Variants in LIPA observed in about 807,000 individuals in gnomAD.
LIPA encodes lipase A, lysosomal acid type.
LIPA carries 26 observed loss-of-function variants against 40.6 expected under a neutral mutation model. That is an observed-to-expected ratio of 0.64 (90% CI 0.47 to 0.89). The LOEUF (loss-of-function observed/expected upper bound fraction) is 0.89, where lower values mean the gene tolerates loss of function less well. LIPA is among the 40% of genes least tolerant of loss of function. The pLI, the probability that LIPA is intolerant of heterozygous loss-of-function variation, is 0.00. For synonymous variants in LIPA, 188 were observed against 168.4 expected, an observed-to-expected ratio of 1.12 and a Z score of -0.90; for missense variants, 455 against 479.6, an observed-to-expected ratio of 0.95 and a Z score of 0.48.
chr10:89,388,633 A>G (rs1844224963), intron 2 of LIPA, among the ~76,000 whole-genome samples: 1 of 152,208 alleles, frequency 6.6e-6, no homozygotes, highest in Non-Finnish European at 1.5e-5. Context: ...GTCATATTTT[A>G]TCTTCAAAAT....
chr10:89,377,374 A>G (rs1357030679), intron 2 of LIPA, among the ~76,000 whole-genome samples: 3 of 152,250 alleles, frequency 2.0e-5, no homozygotes, highest in Non-Finnish European at 4.4e-5. Flanking sequence ...TCTACTGACC[A>G]GCTCAAACAT....
At chr10:89,267,675 C>T (rs1022348755) in intron 1 of LIPA, among the ~76,000 whole-genome samples, 1 of 138,620 alleles carries the variant, frequency 7.2e-6, no homozygotes, top group Non-Finnish European at 1.5e-5. Flanking sequence ...CACATGTATA[C>T]ATATGTAACT....
intron 2 of LIPA, among the ~76,000 whole-genome samples, chr10:89,354,810 C>T (rs1248066454): frequency 6.6e-6 from 1 of 152,200 alleles, no homozygotes; most frequent in Non-Finnish European, 1.5e-5. Flanking sequence ...TTGTGATCCA[C>T]CTGCCTCGGC....
In LIPA at chr10:89,222,535, C is replaced by T. The variant is rs756950169; in HGVS notation, c.870G>A (p.Val290=). ...CCTGGCTCCAGTGTAACATGTTTTGCACAGAAGTTCCAGCAGGAGAATGTG... is the reference window on the plus strand; with the variant it reads ...CCTGGCTCCAGTGTAACATGTTTTGTACAGAAGTTCCAGCAGGAGAATGTG... ...YTTHSPAGTS[V]QNMLHWSQAV... The change falls in exon 8 of 10, where the codon GTG becomes GTA. Residue 290 remains valine, a synonymous_variant. Coordinates refer to ENST00000336233, the MANE Select transcript of LIPA (RefSeq NM_000235.4). 10 of 1,610,854 alleles carry T rather than the reference C, an allele frequency of 6.2e-6. No individual in the cohort carries two copies. The highest frequency in any genetic ancestry group is 8.5e-6 in the Non-Finnish European group (10 of 1,176,990).
intron 1 of LIPA, among the ~76,000 whole-genome samples, chr10:89,250,916 C>T (rs893016200): frequency 4.6e-5 from 7 of 152,176 alleles, no homozygotes; most frequent in South Asian, 2.1e-4. Context: ...ACACCTTTAT[C>T]TCAGTTATTT....
intron 1 of LIPA, among the ~76,000 whole-genome samples, chr10:89,322,970 C>T (rs1435530050): frequency 6.6e-6 from 1 of 152,172 alleles, no homozygotes; most frequent in Non-Finnish European, 1.5e-5. Flanking sequence ...CCAGAGAGCA[C>T]AGCCTCCTGT....
At chr10:89,251,349 A>C (rs1412735319) in intron 1 of LIPA, among the ~76,000 whole-genome samples, 1 of 152,234 alleles carries the variant, frequency 6.6e-6, no homozygotes. Context: ...CAAGAGAGGT[A>C]GGATGGGATG....
intron 1 of LIPA, among the ~76,000 whole-genome samples, chr10:89,296,763 T>C (rs372494825): frequency 6.6e-6 from 1 of 152,236 alleles, no homozygotes; most frequent in South Asian, 2.1e-4. Context: ...GTGCTTTGTG[T>C]AATTTTCTGA....
At chr10:89,239,540 C>T (rs1342015660) in intron 3 of LIPA, among the ~76,000 whole-genome samples, 1 of 152,206 alleles carries the variant, frequency 6.6e-6, no homozygotes, top group Non-Finnish European at 1.5e-5. Flanking sequence ...TGTCACCCTG[C>T]TGGGGAGCAG....
intron 2 of LIPA, among the ~76,000 whole-genome samples, chr10:89,358,540 G>C (rs960206366): frequency 7.2e-5 from 11 of 152,168 alleles, no homozygotes; most frequent in African/African-American, 2.4e-4. Flanking sequence ...GTCCATCAGT[G>C]GATGAATAAA....
At chr10:89,386,882 A>G (rs1387287271) in intron 2 of LIPA, among the ~76,000 whole-genome samples, 1 of 152,166 alleles carries the variant, frequency 6.6e-6, no homozygotes, top group East Asian at 1.9e-4. Context: ...CACTCCAGGT[A>G]CTGGAACCAA....
At chr10:89,392,007 GCTCT>G (rs1296140029) in intron 2 of LIPA, among the ~76,000 whole-genome samples, 1 of 152,086 alleles carries the variant, frequency 6.6e-6, no homozygotes, top group African/African-American at 2.4e-5. Flanking sequence ...GCAATAGAGG[GCTCT>G]CTATTTCAAA....
At chr10:89,251,589 G>GCTTTTCTTGC (rs1399100638) in intron 1 of LIPA, 148 bp downstream of exon 1, 17 of 152,370 alleles carry the variant, frequency 1.1e-4, no homozygotes, top group African/African-American at 4.1e-4. Context: ...AAAAGCACCC[G>GCTTTTCTTGC]CAGGCACCCC....
At chr10:89,276,436 T>G (rs1338947670) in intron 1 of LIPA, among the ~76,000 whole-genome samples, 1 of 152,214 alleles carries the variant, frequency 6.6e-6, no homozygotes, top group African/African-American at 2.4e-5. Context: ...TTCAAAAGTA[T>G]CACACCACAT....
At chr10:89,279,442 T>C (rs1843304812) in intron 1 of LIPA, among the ~76,000 whole-genome samples, 1 of 152,088 alleles carries the variant, frequency 6.6e-6, no homozygotes, top group African/African-American at 2.4e-5. Context: ...ATTCAGGGAT[T>C]TGCTTTCTAC....
At chr10:89,263,246 G>A (rs1450971925) in intron 1 of LIPA, among the ~76,000 whole-genome samples, 2 of 152,148 alleles carry the variant, frequency 1.3e-5, no homozygotes, top group African/African-American at 4.8e-5. Flanking sequence ...ATGACAACAG[G>A]TTTGGTTTTG....
At chr10:89,258,619 C>T (rs963728719) in intron 1 of LIPA, among the ~76,000 whole-genome samples, 3 of 152,110 alleles carry the variant, frequency 2.0e-5, no homozygotes, top group Admixed American at 6.5e-5. Flanking sequence ...ATGGTGTGGC[C>T]ACTTTGGAAA....
intron 1 of LIPA, among the ~76,000 whole-genome samples, chr10:89,330,617 G>T (rs997778528): frequency 6.6e-6 from 1 of 152,172 alleles, no homozygotes; most frequent in Non-Finnish European, 1.5e-5. Flanking sequence ...TTTGGATGAA[G>T]GGAAAAGGAA....
At chr10:89,402,284 A>C (rs1844437667) in intron 2 of LIPA, 2 of 1,603,486 alleles carry the variant, frequency 1.2e-6, no homozygotes, top group Non-Finnish European at 1.7e-6. Context: ...TTTACAGTAC[A>C]AATGGTGATG....
Sources: allele counts gnomAD v4.1 joint callset (sites outside exome capture counted in the v4.1 genomes callset), GRCh38; gene constraint gnomAD v4.1.1; transcripts MANE v1.5; gene names NCBI Gene and HGNC (gene_info 2026-07-23, HGNC 2026-07-21).